Variants in GPC6 observed in about 807,000 individuals in gnomAD.
The protein encoded by GPC6 is glypican-6.
GPC6 carries 14 observed loss-of-function variants against 55.2 expected under a neutral mutation model. That is an observed-to-expected ratio of 0.25 (90% CI 0.17 to 0.40). GPC6 has a LOEUF of 0.40. GPC6 is among the 10% of genes least tolerant of loss of function. The pLI is 1.00. For synonymous variants in GPC6, 278 were observed against 259.6 expected, an observed-to-expected ratio of 1.07 and a Z score of -0.68; for missense variants, 641 against 708.5, an observed-to-expected ratio of 0.90 and a Z score of 1.08.
At chr13:94,057,345 A>T (rs893332736) in intron 4 of GPC6, among the ~76,000 whole-genome samples, 1 of 152,336 alleles carries the variant, frequency 6.6e-6, no homozygotes, top group Non-Finnish European at 1.5e-5. Context: ...GAAAATGCTC[A>T]GATTATTGAA....
chr13:94,101,721 A>G (rs1230394090), intron 4 of GPC6, among the ~76,000 whole-genome samples: 1 of 151,956 alleles, frequency 6.6e-6, no homozygotes, highest in Non-Finnish European at 1.5e-5. Flanking sequence ...TGGATCCTGG[A>G]TTCTTCTCTA....
chr13:94,148,119 A>G (rs1450900670), intron 4 of GPC6, among the ~76,000 whole-genome samples: 1 of 152,182 alleles, frequency 6.6e-6, no homozygotes, highest in Non-Finnish European at 1.5e-5. Flanking sequence ...GTCCTTACCC[A>G]TGTGTCCAAC....
intron 2 of GPC6, among the ~76,000 whole-genome samples, chr13:93,731,111 A>C (rs1883804851): frequency 6.6e-6 from 1 of 152,120 alleles, no homozygotes; most frequent in Non-Finnish European, 1.5e-5. Context: ...AATGAAGGAA[A>C]AGGTTACCGA....
chr13:93,561,404 G>GAGATAT lies in GPC6; in HGVS notation c.319+15984_319+15985insGATATA, dbSNP rs968221822. Among the ~76,000 whole-genome samples, 12 of 104,664 alleles carry GAGATAT rather than the reference G, an allele frequency of 1.1e-4. 1 individual carries two copies. Among genetic ancestry groups the GAGATAT allele is most frequent in the African/African-American group, 5.0e-4 (12 of 24,060 alleles). The allele number at this position is 104,664 out of a possible 152,430, so 68.7% of individuals were successfully genotyped here. A position where few individuals can be genotyped will look rare whatever the true frequency, so the allele number is the denominator to read the frequency against. On this transcript the variant is annotated intron_variant, in intron 2 of 8. Transcript: ENST00000377047. ...AATAATTGCATACTATATCCCTATC[G>GAGATAT]ATATATATATATATATATATATTTG...
intron 2 of GPC6, among the ~76,000 whole-genome samples, chr13:93,608,574 T>C (rs960649925): frequency 9.2e-5 from 14 of 152,228 alleles, no homozygotes; most frequent in African/African-American, 3.1e-4. Flanking sequence ...CCAAGCTATT[T>C]GAGGTCCTCT....
chr13:93,264,736 T>A (rs1291800366), intron 1 of GPC6, among the ~76,000 whole-genome samples: 1 of 152,180 alleles, frequency 6.6e-6, no homozygotes, highest in Non-Finnish European at 1.5e-5. Flanking sequence ...TTACTTATAA[T>A]ACCTAATACA....
At chr13:94,324,022 C>T (rs1191975064) in intron 6 of GPC6, among the ~76,000 whole-genome samples, 2 of 152,118 alleles carry the variant, frequency 1.3e-5, no homozygotes, top group Non-Finnish European at 2.9e-5. Context: ...TGCTGGCTTC[C>T]GGCATTGTTG....
chr13:93,972,300 T>C (rs1012846388), intron 3 of GPC6, among the ~76,000 whole-genome samples: 1 of 152,156 alleles, frequency 6.6e-6, no homozygotes, highest in South Asian at 2.1e-4. Context: ...GTGACTGACA[T>C]TGAGCAATCC....
chr13:93,219,543 A>C, the GPC6 span, among the ~76,000 whole-genome samples: 8 of 152,222 alleles, frequency 5.3e-5, no homozygotes, highest in African/African-American at 1.9e-4. Context: ...ATTGACTTCC[A>C]TATACCACTA....
chr13:93,374,430 G>A lies in GPC6; in HGVS notation c.160+146814G>A, dbSNP rs189872299. 3.0e-4 allele frequency among the ~76,000 whole-genome samples: 46 copies of A among 152,244 alleles called. No homozygotes were observed. The East Asian group carries it at 8.5e-3, about 28-fold the overall frequency. On this transcript the variant is annotated intron_variant, in intron 1 of 8. Coordinates refer to ENST00000377047, the MANE Select transcript of GPC6 (RefSeq NM_005708.5). ...TGCACAGTTCTACCTCTCTTACGGG[G>A]TATCCTCTCCTGCAACAGAGTCTTT...
upstream of GPC6, among the ~76,000 whole-genome samples, chr13:93,223,577 G>C (rs550700926): frequency 6.6e-6 from 1 of 152,142 alleles, no homozygotes; most frequent in South Asian, 2.1e-4. Flanking sequence ...CCAAGTAGCT[G>C]GGACTGCAGG....
chr13:93,948,906 A>G (rs967181664), intron 3 of GPC6, among the ~76,000 whole-genome samples: 2 of 152,106 alleles, frequency 1.3e-5, no homozygotes, highest in African/African-American at 2.4e-5. Context: ...TTGTTTTTCC[A>G]TTAATCCCCC....
chr13:93,886,006 T>C (rs1875302700), intron 3 of GPC6, among the ~76,000 whole-genome samples: 1 of 152,056 alleles, frequency 6.6e-6, no homozygotes, highest in Admixed American at 6.6e-5. Context: ...TAGGAGAACA[T>C]ATAGAAGGCT....
At chr13:93,999,009 C>G (rs1350602384) in intron 3 of GPC6, among the ~76,000 whole-genome samples, 1 of 152,130 alleles carries the variant, frequency 6.6e-6, no homozygotes, top group Non-Finnish European at 1.5e-5. Flanking sequence ...AACCATCATT[C>G]TACTTTCTGC....
At chr13:93,351,905 A>G (rs1880646297) in intron 1 of GPC6, among the ~76,000 whole-genome samples, 1 of 152,188 alleles carries the variant, frequency 6.6e-6, no homozygotes, top group Non-Finnish European at 1.5e-5. Context: ...CATAACATTT[A>G]GGGTTCAAAT....
At chr13:93,490,125 A>G (rs1471559701) in intron 1 of GPC6, among the ~76,000 whole-genome samples, 2 of 151,482 alleles carry the variant, frequency 1.3e-5, no homozygotes, top group South Asian at 4.2e-4. Context: ...AGCTCTTATT[A>G]TTTTGAGATA....
intron 1 of GPC6, among the ~76,000 whole-genome samples, chr13:93,300,822 C>A (rs1269296088): frequency 6.6e-6 from 1 of 151,748 alleles, no homozygotes; most frequent in Non-Finnish European, 1.5e-5. Context: ...GAGTTCGAGA[C>A]CAGTCTGACC....
chr13:93,823,422 T>G (rs541309701), intron 2 of GPC6, among the ~76,000 whole-genome samples: 18 of 152,152 alleles, frequency 1.2e-4, no homozygotes, highest in African/African-American at 3.6e-4. Context: ...GGCAACTCAC[T>G]TAACATTTTG....
chr13:93,640,418 C>T (rs543029227), intron 2 of GPC6, among the ~76,000 whole-genome samples: 4 of 152,086 alleles, frequency 2.6e-5, no homozygotes, highest in Non-Finnish European at 4.4e-5. Context: ...AAAAAAATAT[C>T]GGCTTGGAAA....
Sources: gnomAD v4.1 joint callset for allele counts (sites outside exome capture counted in the v4.1 genomes callset) on GRCh38, gnomAD v4.1.1 for gene constraint, MANE v1.5 for transcripts, NCBI Gene and HGNC (gene_info 2026-07-23, HGNC 2026-07-21) for gene names.